Variants in LPP observed in about 807,000 individuals in gnomAD.
LPP encodes lipoma-preferred partner.
A neutral mutation model predicts 60.4 loss-of-function variants in LPP; 38 were observed. The ratio of observed to expected loss-of-function variants is 0.63; its 90% CI spans 0.49 to 0.83. The LOEUF (loss-of-function observed/expected upper bound fraction) is 0.83. Ranked by LOEUF, LPP falls within the 40% of genes least tolerant of loss-of-function variation. The probability of loss-of-function intolerance (pLI) is 0.00; values close to 1 mark genes in which losing one functional copy is unlikely to be tolerated. For missense variants in LPP, 902 were observed against 783.6 expected, an observed-to-expected ratio of 1.15 and a Z score of -1.80; for synonymous variants, 328 against 290.8, an observed-to-expected ratio of 1.13 and a Z score of -1.30.
At chr3:188,540,426 C>A (rs1223726105) in intron 6 of LPP, among the ~76,000 whole-genome samples, 3 of 152,050 alleles carry the variant, frequency 2.0e-5, no homozygotes, top group Non-Finnish European at 2.9e-5. Flanking sequence ...AATTTAAAGA[C>A]CAAGTTCATG....
At chr3:188,756,258 C>G (rs1210704681) in intron 8 of LPP, among the ~76,000 whole-genome samples, 3 of 152,052 alleles carry the variant, frequency 2.0e-5, no homozygotes, top group African/African-American at 7.2e-5. Context: ...ATATAAACAC[C>G]ATTTTTGGTT....
intron 6 of LPP, among the ~76,000 whole-genome samples, chr3:188,603,099 G>C (rs1841751012): frequency 6.6e-6 from 1 of 151,056 alleles, no homozygotes; most frequent in African/African-American, 2.4e-5. Context: ...AGTAATATTG[G>C]ATTTATATTC....
Position 188,182,793 on chromosome 3 carries a change from TATACA to T in LPP, c.-190+28545_-190+28549del, listed in dbSNP as rs1322489698. On this transcript the variant is annotated intron_variant, in intron 1 of 11. Coordinates refer to ENST00000617246, the MANE Select transcript of LPP (RefSeq NM_001375462.1). This position sits in a 1 kb window ranked among gnomAD's most constrained non-coding sequence, Gnocchi z 4.4. ...TATGTGCATATATAATATATGTACA[TATACA>T]ATATATGCACATATATAATATATGT... 1.4e-5 allele frequency among the ~76,000 whole-genome samples: 2 copies of T among 142,264 alleles called. No individual in the cohort carries two copies. The highest frequency in any genetic ancestry group is 5.0e-5 in the African/African-American group (2 of 39,804). The allele number at this position is 142,264 out of a possible 152,430, so 93.3% of individuals were successfully genotyped here. A position where few individuals can be genotyped will look rare whatever the true frequency, so the allele number is the denominator to read the frequency against.
chr3:188,210,095 T>G (rs1734295920), intron 1 of LPP, among the ~76,000 whole-genome samples: 1 of 150,248 alleles, frequency 6.7e-6, no homozygotes, highest in African/African-American at 2.5e-5. Context: ...AATCCAACCA[T>G]AAAAAAATAC....
intron 3 of LPP, among the ~76,000 whole-genome samples, chr3:188,367,883 C>T (rs1348745221): frequency 9.9e-5 from 15 of 152,148 alleles, no homozygotes; most frequent in Admixed American, 8.5e-4. Context: ...TGGATGATTT[C>T]CCAGACTTGT....
intron 2 of LPP, among the ~76,000 whole-genome samples, chr3:188,246,534 T>C (rs1199845112): frequency 1.3e-5 from 2 of 152,246 alleles, no homozygotes; most frequent in African/African-American, 4.8e-5. Context: ...CCATGTCTTA[T>C]GAATTTAAAT....
intron 7 of LPP, among the ~76,000 whole-genome samples, chr3:188,663,701 G>A (rs1039227289): frequency 2.0e-5 from 3 of 152,146 alleles, no homozygotes; most frequent in East Asian, 1.9e-4. Flanking sequence ...AGTGGTCTCC[G>A]ACCTTTTTGG....
intron 3 of LPP, among the ~76,000 whole-genome samples, chr3:188,373,223 G>C (rs1007224609): frequency 2.0e-5 from 3 of 152,210 alleles, no homozygotes; most frequent in African/African-American, 7.2e-5. Context: ...TATAAACCCA[G>C]TAATGGGATG....
chr3:188,262,238 C>T (rs145297028), intron 2 of LPP, among the ~76,000 whole-genome samples: 111 of 152,154 alleles, frequency 7.3e-4, no homozygotes, highest in Non-Finnish European at 1.2e-3. Flanking sequence ...ACATTGCCAA[C>T]GAGCTGCTTG....
At chr3:188,371,636 TA>T (rs1560311079) in intron 3 of LPP, among the ~76,000 whole-genome samples, 28 of 34,348 alleles carry the variant, frequency 8.2e-4, no homozygotes, top group African/African-American at 2.0e-3. Flanking sequence ...TATATATATA[TA>T]TATATTTTTT....
intron 2 of LPP, among the ~76,000 whole-genome samples, chr3:188,338,743 CT>C (rs1762322967): frequency 6.6e-6 from 1 of 152,108 alleles, no homozygotes; most frequent in Non-Finnish European, 1.5e-5. Flanking sequence ...TCTTATATTG[CT>C]TATTGAGGTA....
chr3:188,374,300 G>A (rs1400980655), intron 3 of LPP, among the ~76,000 whole-genome samples: 1 of 152,120 alleles, frequency 6.6e-6, no homozygotes, highest in Non-Finnish European at 1.5e-5. Flanking sequence ...ACCTTTGGCA[G>A]TATGGCCATT....
rs1770842152 is a variant in LPP at position 188,887,715 on chromosome 3, A to T, written c.*13236A>T. 1 of 211,066 alleles carries T rather than the reference A, an allele frequency of 4.7e-6. No homozygotes were observed. Among genetic ancestry groups the T allele is most frequent in the Non-Finnish European group, 9.6e-6 (1 of 104,050 alleles). 13.1% of individuals were successfully genotyped at this position (211,066 alleles called of 1,614,324 possible). ...TGCCATCCTTCTAGCATAATGGAGA[A>T]GTCTGAACTGAGGAGTATCTTTGAT... is the stretch of plus-strand genomic sequence containing the variant. On this transcript the variant is annotated 3_prime_UTR_variant, in exon 12 of 12. Transcript: ENST00000617246.
At chr3:188,442,605 A>C (rs559867192) in intron 4 of LPP, among the ~76,000 whole-genome samples, 3 of 152,186 alleles carry the variant, frequency 2.0e-5, no homozygotes, top group South Asian at 4.1e-4. Flanking sequence ...CATATTTTCT[A>C]TAATCTGTAG....
At chr3:188,349,235 G>A (rs2150772995) in intron 3 of LPP, among the ~76,000 whole-genome samples, 1 of 152,128 alleles carries the variant, frequency 6.6e-6, no homozygotes, top group East Asian at 1.9e-4. Context: ...GGATCCTGCA[G>A]CTTAATCAGT....
intron 3 of LPP, among the ~76,000 whole-genome samples, chr3:188,392,843 G>A (rs1780025903): frequency 6.6e-6 from 1 of 152,098 alleles, no homozygotes; most frequent in South Asian, 2.1e-4. Flanking sequence ...GCAACTGCAC[G>A]TGGAATTAAT....
chr3:188,791,558 CT>C (rs34944971), intron 9 of LPP, among the ~76,000 whole-genome samples: 219 of 144,462 alleles, frequency 1.5e-3, no homozygotes, highest in East Asian at 2.0e-3. Context: ...AGCCTCATTT[CT>C]TTTTTTTTTT....
At chr3:188,580,426 G>C (rs546642254) in intron 6 of LPP, among the ~76,000 whole-genome samples, 1 of 152,222 alleles carries the variant, frequency 6.6e-6, no homozygotes, top group Admixed American at 6.5e-5. Context: ...GACATTTGGG[G>C]TAGCTTTTTA....
At position 188,828,154 on chromosome 3, in the gene LPP, A is replaced by C. The variant is rs543995354; in HGVS notation, c.1411-38046A>C. 1.4e-4 allele frequency among the ~76,000 whole-genome samples: 21 copies of C among 152,268 alleles called. 1 individual carries two copies. In the South Asian group the frequency reaches 4.1e-3, roughly 30 times the overall value. ...AAAATAATACCCTGGTGGAGTTTCCATTCTAGTGGGGACACAATAAACAAA... is the reference window on the plus strand; with the variant it reads ...AAAATAATACCCTGGTGGAGTTTCCCTTCTAGTGGGGACACAATAAACAAA... On this transcript the variant is annotated intron_variant, in intron 9 of 11. Coordinates refer to ENST00000617246, the MANE Select transcript of LPP (RefSeq NM_001375462.1).
Sources: gnomAD v4.1 joint callset for allele counts (sites outside exome capture counted in the v4.1 genomes callset) on GRCh38, gnomAD v4.1.1 for gene constraint, Gnocchi (gnomAD v3.1) non-coding constraint, MANE v1.5 for transcripts, NCBI Gene and HGNC (gene_info 2026-07-23, HGNC 2026-07-21) for gene names.